Variants in DPP6 observed in about 807,000 individuals in gnomAD.
The protein encoded by DPP6 is dipeptidyl peptidase like 6.
A neutral mutation model predicts 122.6 loss-of-function variants in DPP6; 69 were observed. That is an observed-to-expected ratio of 0.56 (90% CI 0.46 to 0.69). The LOEUF (loss-of-function observed/expected upper bound fraction) is 0.69. Ranked by LOEUF, DPP6 falls within the 30% of genes least tolerant of loss-of-function variation. The pLI is 0.00. For missense variants in DPP6, 928 were observed against 1,116.9 expected (o/e 0.83, Z 2.41); for synonymous variants, 418 against 433.1 (o/e 0.97, Z 0.43).
chr7:154,862,104 T>TTCTC (rs1210336019), intron 17 of DPP6, among the ~76,000 whole-genome samples: 2 of 151,974 alleles, frequency 1.3e-5, no homozygotes, highest in Admixed American at 6.6e-5. Flanking sequence ...ACTGGGGGAG[T>TTCTC]TCTCTTACTG....
chr7:154,329,215 G>A (rs768709061), intron 1 of DPP6, among the ~76,000 whole-genome samples: 2 of 152,182 alleles, frequency 1.3e-5, no homozygotes, highest in Non-Finnish European at 2.9e-5. Flanking sequence ...AAGCTTTACT[G>A]TGCACCACAT....
intron 4 of DPP6, among the ~76,000 whole-genome samples, chr7:154,558,415 C>T (rs1830193045): frequency 6.6e-6 from 1 of 152,136 alleles, no homozygotes; most frequent in Admixed American, 6.5e-5. Context: ...AACCATGAGA[C>T]ATTAAACAGA....
chr7:154,151,140 G>A (rs1796395313), intron 1 of DPP6, among the ~76,000 whole-genome samples: 1 of 152,282 alleles, frequency 6.6e-6, no homozygotes, highest in East Asian at 1.9e-4. Context: ...AACCCGATGT[G>A]GTTTTCAGTA....
At chr7:154,339,488 T>TC (rs1809733482) in intron 1 of DPP6, among the ~76,000 whole-genome samples, 1 of 152,172 alleles carries the variant, frequency 6.6e-6, no homozygotes, top group African/African-American at 2.4e-5. Context: ...AACGTCTACT[T>TC]CCCGTAGGCT....
intron 1 of DPP6, among the ~76,000 whole-genome samples, chr7:154,234,748 G>T (rs552844169): frequency 1.4e-4 from 21 of 152,154 alleles, no homozygotes; most frequent in Non-Finnish European, 3.1e-4. Flanking sequence ...TGCCATGAGG[G>T]TCCAACAGGT....
chr7:154,170,182 A>T (rs1349760736), intron 1 of DPP6, among the ~76,000 whole-genome samples: 1 of 152,002 alleles, frequency 6.6e-6, no homozygotes, highest in Non-Finnish European at 1.5e-5. Context: ...GATCAAAGCC[A>T]CCCTTGCCGC....
At chr7:154,573,967 T>G (rs1161340948) in intron 5 of DPP6, among the ~76,000 whole-genome samples, 2 of 152,232 alleles carry the variant, frequency 1.3e-5, no homozygotes, top group Non-Finnish European at 2.9e-5. Flanking sequence ...GGTTTCCATC[T>G]GTTTTTGAAA....
At position 154,625,913 on chromosome 7, in the gene DPP6, G is replaced by C. The variant is rs190321007; in HGVS notation, c.628-11908G>C. On this transcript the variant is annotated intron_variant, in intron 5 of 25. Coordinates refer to ENST00000377770, the MANE Select transcript of DPP6 (RefSeq NM_130797.4). ...AAGACAGTAAATCGAGCAAGAAAAAGGAAAATGTTGTATTCTGGAGCAGAA... is the reference window on the plus strand; with the variant it reads ...AAGACAGTAAATCGAGCAAGAAAAACGAAAATGTTGTATTCTGGAGCAGAA... Among the ~76,000 whole-genome samples, 128 of 152,340 alleles carry C rather than the reference G, an allele frequency of 8.4e-4. 2 individuals carry two copies. Among genetic ancestry groups the C allele is most frequent in the African/African-American group, 2.9e-3 (121 of 41,582 alleles).
At chr7:154,440,197 A>G (rs781551659) in intron 1 of DPP6, among the ~76,000 whole-genome samples, 14 of 152,208 alleles carry the variant, frequency 9.2e-5, no homozygotes, top group African/African-American at 3.4e-4. Flanking sequence ...GTCTTCCACC[A>G]CCACCACATC....
At chr7:154,030,273 G>C (rs1379425730) in intron 1 of DPP6, among the ~76,000 whole-genome samples, 6 of 152,200 alleles carry the variant, frequency 3.9e-5, no homozygotes, top group Admixed American at 6.5e-5. Context: ...AAATGTTATA[G>C]ACATCTTCCA....
chr7:154,318,685 G>A (rs1807648057), intron 1 of DPP6, among the ~76,000 whole-genome samples: 1 of 152,218 alleles, frequency 6.6e-6, no homozygotes, highest in African/African-American at 2.4e-5. Context: ...ATGCAGAGCT[G>A]GGTTTCTGTC....
At chr7:153,860,052 T>C in the DPP6 span, among the ~76,000 whole-genome samples, 1 of 152,202 alleles carries the variant, frequency 6.6e-6, no homozygotes, top group Admixed American at 6.5e-5. Flanking sequence ...CAGGGCAATG[T>C]CTATAACATA....
At chr7:154,315,175 C>G (rs1807328365) in intron 1 of DPP6, among the ~76,000 whole-genome samples, 1 of 152,106 alleles carries the variant, frequency 6.6e-6, no homozygotes, top group Non-Finnish European at 1.5e-5. Flanking sequence ...TGGAAGTATG[C>G]AGTAGTTAAT....
chr7:153,887,696 G>C (rs772166530), exon 1 of DPP6: 78 of 1,613,918 alleles, frequency 4.8e-5, no homozygotes, highest in South Asian at 4.8e-4. Flanking sequence ...GAAGGAAAAG[G>C]CCATGATCAA....
At chr7:154,365,861 A>G (rs2337696) in intron 1 of DPP6, among the ~76,000 whole-genome samples, 35,865 of 151,548 alleles carry the variant, frequency 0.24, 8,364 homozygotes, top group African/African-American at 0.61. Flanking sequence ...GGGAGGCTGA[A>G]GCAGGAGAAT....
intron 1 of DPP6, among the ~76,000 whole-genome samples, chr7:154,046,664 C>T (rs3864483): frequency 0.32 from 48,929 of 152,034 alleles, 8,286 homozygotes; most frequent in Middle Eastern, 0.4. Flanking sequence ...CCTTATGTTT[C>T]ACAGTCATTG....
intron 1 of DPP6, among the ~76,000 whole-genome samples, chr7:153,902,785 G>C (rs1043157651): frequency 3.6e-4 from 55 of 151,942 alleles, no homozygotes; most frequent in African/African-American, 1.3e-3. Context: ...GCAGTGAGCC[G>C]AGCTTACACC....
intron 1 of DPP6, among the ~76,000 whole-genome samples, chr7:154,102,988 T>C (rs1348742718): frequency 6.6e-6 from 1 of 152,018 alleles, no homozygotes; most frequent in Non-Finnish European, 1.5e-5. Flanking sequence ...CCATTCTGAA[T>C]CACAAAGGCC....
At chr7:153,786,011 G>T in the DPP6 span, among the ~76,000 whole-genome samples, 5 of 151,450 alleles carry the variant, frequency 3.3e-5, no homozygotes, top group Non-Finnish European at 7.4e-5. Flanking sequence ...AAATGTAATA[G>T]TTTATCTACT....
Sources: gnomAD v4.1 joint callset for allele counts (sites outside exome capture counted in the v4.1 genomes callset) on GRCh38, gnomAD v4.1.1 for gene constraint, MANE v1.5 for transcripts, NCBI Gene and HGNC (gene_info 2026-07-23, HGNC 2026-07-21) for gene names.